PHF19: variants seen among roughly 807,000 people sequenced by gnomAD.
PHF19 encodes the protein PHD finger protein 19.
Under a neutral mutation model 79.8 loss-of-function variants are expected in PHF19, and 21 were observed. The ratio of observed to expected loss-of-function variants is 0.26; its 90% CI spans 0.19 to 0.38. PHF19 has a LOEUF of 0.38. Ranked by LOEUF, PHF19 falls within the 10% of genes least tolerant of loss-of-function variation. PHF19 has a pLI of 1.00. For missense variants in PHF19, 445 were observed against 744.2 expected, an observed-to-expected ratio of 0.60 and a Z score of 4.68; for synonymous variants, 273 against 296.3, an observed-to-expected ratio of 0.92 and a Z score of 0.81.
Position 120,862,976 on chromosome 9 carries a change from T to C in PHF19, c.969-227A>G. On this transcript the variant is annotated intron_variant, in intron 10 of 14. Transcript: ENST00000373896. This position sits in a 1 kb window ranked among gnomAD's most constrained non-coding sequence, Gnocchi z 4.6. Reference sequence around the variant, plus strand: ...CCCTGTGCTTCCTCCTGCATGAGTGTGGTTCTTGCTGCTCTTCTCCCTTTT... The same window carrying C: ...CCCTGTGCTTCCTCCTGCATGAGTGCGGTTCTTGCTGCTCTTCTCCCTTTT... 1.9e-6 allele frequency: 1 copy of C among 537,130 alleles called. No homozygotes were observed. 33.3% of individuals were successfully genotyped at this position (537,130 alleles called of 1,614,324 possible).
In PHF19 at chr9:120,857,710, T is replaced by C. The variant is rs1049868850; in HGVS notation, c.*234A>G. ...AAACAGAGTTTGAGGGGGTGTGGAGTGTGTAGAGACACAGGCACAGGGGTA... is the reference window on the plus strand; with the variant it reads ...AAACAGAGTTTGAGGGGGTGTGGAGCGTGTAGAGACACAGGCACAGGGGTA... On this transcript the variant is annotated 3_prime_UTR_variant, in exon 15 of 15. Transcript: ENST00000373896. 1.7e-4 allele frequency: 80 copies of C among 462,148 alleles called. No homozygotes were observed. The highest frequency in any genetic ancestry group is 1.6e-3 in the Middle Eastern group (3 of 1,858). The allele number at this position is 462,148 out of a possible 1,614,324, so 28.6% of individuals were successfully genotyped here.
At position 120,869,950 on chromosome 9, in the gene PHF19, G is replaced by A. The variant is rs544102125; in HGVS notation, c.365-5C>T. 23 of 1,566,942 alleles carry A rather than the reference G, an allele frequency of 1.5e-5. 1 individual carries two copies. In the East Asian group the frequency reaches 2.6e-4, roughly 18 times the overall value. ...TGTGGCACTGCTGGTGGTAACCTAC[G>A]GCAGAGGAGGGGGCGGTGAGCGCCC... On this transcript the variant is annotated splice_polypyrimidine_tract_variant and splice_region_variant and intron_variant, in intron 4 of 14. Coordinates refer to ENST00000373896, the MANE Select transcript of PHF19 (RefSeq NM_015651.3). The surrounding 1 kb of genome is among the most constrained non-coding windows in gnomAD (Gnocchi z 5.8).
At position 120,869,527 on chromosome 9, in the gene PHF19, A is replaced by G. The variant is rs2045825309; in HGVS notation, c.466-197T>C. 10 of 1,402,978 alleles carry G rather than the reference A, an allele frequency of 7.1e-6. No homozygotes were observed. The highest frequency in any genetic ancestry group is 4.1e-4 in the Middle Eastern group (2 of 4,894). 86.9% of individuals were successfully genotyped at this position (1,402,978 alleles called of 1,614,324 possible). On this transcript the variant is annotated intron_variant, in intron 5 of 14. Coordinates refer to ENST00000373896, the MANE Select transcript of PHF19 (RefSeq NM_015651.3). This position sits in a 1 kb window ranked among gnomAD's most constrained non-coding sequence, Gnocchi z 5.8. ...TATCCCAGAAGGAACTCCGTTGATAACAGAATTAAGAGTAATAAGCGCAAT... is the reference window on the plus strand; with the variant it reads ...TATCCCAGAAGGAACTCCGTTGATAGCAGAATTAAGAGTAATAAGCGCAAT...
At chr9:120,893,856 A>C (rs1445973735) in intron 1 of PHF19, among the ~76,000 whole-genome samples, 5 of 152,322 alleles carry the variant, frequency 3.3e-5, no homozygotes, top group East Asian at 1.9e-4. Flanking sequence ...CTAAGGGCCT[A>C]AAATTTATTC....
chr9:120,879,326 A>G (rs1255707866), upstream of PHF19, among the ~76,000 whole-genome samples: 4 of 152,360 alleles, frequency 2.6e-5, no homozygotes, highest in South Asian at 4.1e-4. Flanking sequence ...ATGAGAGACA[A>G]GGAACTGGCA....
At chr9:120,878,334 A>G (rs182189575), upstream of PHF19, among the ~76,000 whole-genome samples, 118 of 152,274 alleles carry the variant, frequency 7.7e-4, no homozygotes, top group African/African-American at 2.6e-3. Context: ...CTGTGGGGGA[A>G]AGGCAGACAT....
Position 120,860,207 on chromosome 9 carries a change from G to A in PHF19, c.1305-22C>T. ...GGCACTGAGAGGGGCAAGACCGTGAGCCTGCTGGTGGCCCGGCCCAGCAAG... is the reference window on the plus strand; with the variant it reads ...GGCACTGAGAGGGGCAAGACCGTGAACCTGCTGGTGGCCCGGCCCAGCAAG... On this transcript the variant is annotated intron_variant, in intron 13 of 14. Coordinates refer to ENST00000373896, the MANE Select transcript of PHF19 (RefSeq NM_015651.3). This position sits in a 1 kb window ranked among gnomAD's most constrained non-coding sequence, Gnocchi z 4.1. 1.4e-6 allele frequency: 2 copies of A among 1,402,638 alleles called. No individual in the cohort carries two copies. Among genetic ancestry groups the A allele is most frequent in the Non-Finnish European group, 2.0e-6 (2 of 1,005,018 alleles). The allele number at this position is 1,402,638 out of a possible 1,614,324, so 86.9% of individuals were successfully genotyped here.
chr9:120,861,340 G>T (rs2045518468), intron 12 of PHF19, among the ~76,000 whole-genome samples, 166 bp from the exon 13 acceptor site: 1 of 152,180 alleles, frequency 6.6e-6, no homozygotes, highest in Admixed American at 6.5e-5. Flanking sequence ...AGTCATCCCA[G>T]TTCTAGCCCT....
intron 1 of PHF19, among the ~76,000 whole-genome samples, chr9:120,887,830 G>A (rs1278826140): frequency 6.6e-6 from 1 of 152,172 alleles, no homozygotes; most frequent in Non-Finnish European, 1.5e-5. Flanking sequence ...AAGCCCCATC[G>A]TAAGTGGACA....
Position 120,891,937 on chromosome 9 carries a change from C to A in PHF19, c.42+2851G>T, listed in dbSNP as rs2046348299. Among the ~76,000 whole-genome samples the A allele has an allele frequency of 1.3e-5, 2 of 152,092 alleles. No homozygotes were observed. Among genetic ancestry groups the A allele is most frequent in the African/African-American group, 4.8e-5 (2 of 41,396 alleles). ...AAACATCCTAAAACAGGCTGCAAAC[C>A]CCTGACGCCTTGCAGAGCCAGGTAG... On this transcript the variant is annotated intron_variant, in intron 1 of 14. Transcript: ENST00000616568. The surrounding 1 kb of genome is among the most constrained non-coding windows in gnomAD (Gnocchi z 4.3).
rs773811378 is a variant in PHF19 at position 120,869,334 on chromosome 9, G to C, written c.466-4C>G. 20 of 1,611,208 alleles carry C rather than the reference G, an allele frequency of 1.2e-5. No individual in the cohort carries two copies. The East Asian group carries it at 1.3e-4, about 11-fold the overall frequency. ...CCTTCTTCAGCGCGCCGCCTTTCTG[G>C]GGGGAGACGAGGGCCCCAGTCAACC... On this transcript the variant is annotated splice_region_variant and splice_polypyrimidine_tract_variant and intron_variant, in intron 5 of 14. Coordinates refer to ENST00000373896, the MANE Select transcript of PHF19 (RefSeq NM_015651.3). This position sits in a 1 kb window ranked among gnomAD's most constrained non-coding sequence, Gnocchi z 5.8.
In PHF19 at chr9:120,856,775, G is replaced by A. The variant is rs2045369579; in HGVS notation, c.*1169C>T. 1 of 152,754 alleles carries A rather than the reference G, an allele frequency of 6.5e-6. No individual in the cohort carries two copies. The highest frequency in any genetic ancestry group is 2.4e-5 in the African/African-American group (1 of 41,482). The allele number at this position is 152,754 out of a possible 1,614,324, so 9.5% of individuals were successfully genotyped here. On this transcript the variant is annotated 3_prime_UTR_variant, in exon 15 of 15. Coordinates refer to ENST00000373896, the MANE Select transcript of PHF19 (RefSeq NM_015651.3). ...AGGGCAGGGCAAGGGATATGAAAGA[G>A]GGTGAGTCCCCTGTGCTTCCCTATG...
upstream of PHF19, among the ~76,000 whole-genome samples, chr9:120,898,644 A>G (rs987153629): frequency 6.6e-5 from 10 of 152,236 alleles, no homozygotes; most frequent in African/African-American, 2.4e-4. Flanking sequence ...TGCTGCTTCT[A>G]GTCATGAATC....
chr9:120,881,455 G>A (rs906726882), upstream of PHF19, among the ~76,000 whole-genome samples: 2 of 151,916 alleles, frequency 1.3e-5, no homozygotes, highest in African/African-American at 4.8e-5. Flanking sequence ...CCCACAGGGG[G>A]TTTAATTCTA....
At chr9:120,888,004 C>T (rs989033856) in intron 1 of PHF19, among the ~76,000 whole-genome samples, 12 of 152,070 alleles carry the variant, frequency 7.9e-5, no homozygotes, top group African/African-American at 2.2e-4. Context: ...AGTCCCCACA[C>T]GTCTGTCGCC....
chr9:120,869,528 C>T lies in PHF19; in HGVS notation c.466-198G>A. On this transcript the variant is annotated intron_variant, in intron 5 of 14. Transcript: ENST00000373896. This position sits in a 1 kb window ranked among gnomAD's most constrained non-coding sequence, Gnocchi z 5.8. ...ATCCCAGAAGGAACTCCGTTGATAA[C>T]AGAATTAAGAGTAATAAGCGCAATA... 4.3e-6 allele frequency: 6 copies of T among 1,403,898 alleles called. No homozygotes were observed. The highest frequency in any genetic ancestry group is 5.6e-6 in the Non-Finnish European group (6 of 1,066,714). The allele number at this position is 1,403,898 out of a possible 1,614,324, so 87.0% of individuals were successfully genotyped here.
intron 9 of PHF19, among the ~76,000 whole-genome samples, chr9:120,865,282 G>A (rs62581711): frequency 0.11 from 16,323 of 152,206 alleles, 931 homozygotes; most frequent in Middle Eastern, 0.14. Flanking sequence ...TGCTGACCAC[G>A]GGCAAGTCAC....
intron 1 of PHF19, among the ~76,000 whole-genome samples, chr9:120,894,068 A>G (rs917509202): frequency 3.9e-5 from 6 of 152,176 alleles, no homozygotes; most frequent in Non-Finnish European, 7.3e-5. Context: ...TTTTTGGACC[A>G]CTGGAATGGT....
rs2045390808 is a variant in PHF19 at position 120,857,671 on chromosome 9, G to A, written c.*273C>T. 1 of 381,120 alleles carries A rather than the reference G, an allele frequency of 2.6e-6. No individual in the cohort carries two copies. The highest frequency in any genetic ancestry group is 4.7e-6 in the Non-Finnish European group (1 of 213,164). The allele number at this position is 381,120 out of a possible 1,614,324, so 23.6% of individuals were successfully genotyped here. On this transcript the variant is annotated 3_prime_UTR_variant, in exon 15 of 15. Coordinates refer to ENST00000373896, the MANE Select transcript of PHF19 (RefSeq NM_015651.3). ...AGGGTCCCAGCGCAGGGGACACAAG[G>A]TCAGAGAACAGATAAACAGAGTTTG...
Sources: allele counts gnomAD v4.1 joint callset (sites outside exome capture counted in the v4.1 genomes callset), GRCh38; gene constraint gnomAD v4.1.1; non-coding constraint Gnocchi (gnomAD v3.1); transcripts MANE v1.5; gene names NCBI Gene and HGNC (gene_info 2026-07-23, HGNC 2026-07-21).